The following SORCS1 variants were observed in gnomAD, a reference collection of about 807,000 sequenced individuals.
SORCS1 encodes the protein VPS10 domain-containing receptor SorCS1.
Under a neutral mutation model 146.1 loss-of-function variants are expected in SORCS1, and 60 were observed. That is an observed-to-expected ratio of 0.41 (90% confidence interval 0.33 to 0.51). The LOEUF is 0.51. SORCS1 is among the 20% of genes least tolerant of loss of function. SORCS1 has a pLI of 0.21. For missense variants in SORCS1, 1,352 were observed against 1,487.6 expected (o/e 0.91, Z 1.50); for synonymous variants, 637 against 584.0 (o/e 1.09, Z -1.31).
At chr10:106,655,632 C>T (rs1187158861) in intron 17 of SORCS1, among the ~76,000 whole-genome samples, 3 of 152,102 alleles carry the variant, frequency 2.0e-5, no homozygotes, top group Admixed American at 6.5e-5. Context: ...TCCATCCCCC[C>T]GGGACTATGC....
rs1187986728 is a variant in SORCS1, at chr10:107,065,460, C to CTTTCTTT, written c.558+98508_558+98509insAAAGAAA. On this transcript the variant is annotated intron_variant, in intron 1 of 25. Transcript: ENST00000263054. ...CTTTCTTTCTTTCTTTTCTCTCTTTCTCTCTCCCTCTCCTCTCCTCTCCTC... is the reference window on the plus strand; with the variant it reads ...CTTTCTTTCTTTCTTTTCTCTCTTTCTTTCTTTTCTCTCCCTCTCCTCTCCTCTCCTC... Among the ~76,000 whole-genome samples, 435 of 83,372 alleles carry CTTTCTTT rather than the reference C, an allele frequency of 5.2e-3. 4 individuals are homozygous for CTTTCTTT. Among genetic ancestry groups the CTTTCTTT allele is most frequent in the African/African-American group, 0.021 (395 of 18,856 alleles). 54.7% of individuals were successfully genotyped at this position (83,372 alleles called of 152,430 possible).
chr10:107,168,172 G>A (rs1032910018), upstream of SORCS1, among the ~76,000 whole-genome samples: 5 of 151,994 alleles, frequency 3.3e-5, no homozygotes, highest in Admixed American at 6.5e-5. Flanking sequence ...TTTCCAATTC[G>A]TGACCTTTGC....
chr10:106,861,847 C>T (rs1950027773), intron 2 of SORCS1, among the ~76,000 whole-genome samples: 1 of 152,178 alleles, frequency 6.6e-6, no homozygotes, highest in South Asian at 2.1e-4. Context: ...CAAGATTGTG[C>T]CACTGCACTC....
At chr10:106,796,281 T>A (rs1035922334) in intron 3 of SORCS1, among the ~76,000 whole-genome samples, 17 of 152,128 alleles carry the variant, frequency 1.1e-4, no homozygotes, top group African/African-American at 4.1e-4. Context: ...AAACCTAGGG[T>A]GCCAAGGACA....
intron 2 of SORCS1, among the ~76,000 whole-genome samples, chr10:106,909,816 C>T (rs1952063921): frequency 6.6e-6 from 1 of 152,206 alleles, no homozygotes; most frequent in Non-Finnish European, 1.5e-5. Flanking sequence ...CACGTATACA[C>T]ACACACATAT....
chr10:106,719,418 CTTTT>C (rs11299932), intron 6 of SORCS1, among the ~76,000 whole-genome samples: 20 of 135,940 alleles, frequency 1.5e-4, no homozygotes, highest in Non-Finnish European at 1.6e-4. Context: ...TTCTTTCTTT[CTTTT>C]TTTTTTTTTT....
intron 5 of SORCS1, among the ~76,000 whole-genome samples, chr10:106,750,654 G>A (rs978729263): frequency 7.2e-6 from 1 of 138,854 alleles, no homozygotes; most frequent in East Asian, 2.1e-4. Context: ...GCGTGAACCT[G>A]GGAGACGGAA....
intron 1 of SORCS1, among the ~76,000 whole-genome samples, chr10:107,039,501 G>A (rs1959069443): frequency 6.6e-6 from 1 of 152,144 alleles, no homozygotes; most frequent in South Asian, 2.1e-4. Context: ...TCACTTAAAT[G>A]TTCTGGTCTG....
chr10:107,035,179 C>T (rs1958842011), intron 1 of SORCS1, among the ~76,000 whole-genome samples: 1 of 147,868 alleles, frequency 6.8e-6, no homozygotes, highest in Admixed American at 7.0e-5. Context: ...TCCAGGCCCC[C>T]TACATCTTTT....
chr10:106,913,331 T>C (rs927804911), intron 2 of SORCS1, among the ~76,000 whole-genome samples: 15 of 152,216 alleles, frequency 9.9e-5, no homozygotes, highest in Admixed American at 3.9e-4. Flanking sequence ...TGATGAACAC[T>C]GTGGCTGGAT....
chr10:106,621,219 A>G (rs1847722533), intron 19 of SORCS1, among the ~76,000 whole-genome samples: 1 of 152,174 alleles, frequency 6.6e-6, no homozygotes, highest in Admixed American at 6.5e-5. Context: ...AGAGGCCTAT[A>G]AAAACTGGAA....
rs976326619 is a variant in SORCS1, at chr10:107,164,630, A to G, written c.-104T>C. ...GGCCGGCGCTCAGGACCCCAACTCC[A>G]TCCAAGTTGCGCCGCGGTGGGGGCG... On this transcript the variant is annotated 5_prime_UTR_variant, in exon 1 of 26. The change abolishes an upstream ATG in the 5' untranslated region. Coordinates refer to ENST00000263054, the MANE Select transcript of SORCS1 (RefSeq NM_052918.5). The surrounding 1 kb of genome is among the most constrained non-coding windows in gnomAD (Gnocchi z 6.8). The G allele has an allele frequency of 2.1e-6, 2 of 971,966 alleles. No homozygotes were observed. The highest frequency in any genetic ancestry group is 3.4e-5 in the African/African-American group (2 of 58,588). The allele number at this position is 971,966 out of a possible 1,614,324, so 60.2% of individuals were successfully genotyped here. A position where few individuals can be genotyped will look rare whatever the true frequency, so the allele number is the denominator to read the frequency against.
chr10:107,034,441 AGACC>A (rs1399960430), intron 1 of SORCS1, among the ~76,000 whole-genome samples: 1 of 151,942 alleles, frequency 6.6e-6, no homozygotes, highest in African/African-American at 2.4e-5. Context: ...ACACTTTGGG[AGACC>A]GAGGCGGGCA....
chr10:107,142,915 G>A (rs1967962089), intron 1 of SORCS1, among the ~76,000 whole-genome samples: 1 of 152,208 alleles, frequency 6.6e-6, no homozygotes, highest in Admixed American at 6.5e-5. Flanking sequence ...CTGACTCCTA[G>A]CACAGGCCTC....
At chr10:107,070,116 T>C (rs559878412) in intron 1 of SORCS1, among the ~76,000 whole-genome samples, 20 of 152,356 alleles carry the variant, frequency 1.3e-4, no homozygotes, top group African/African-American at 4.1e-4. Context: ...TCACTTAGCA[T>C]AATATGTTCA....
At chr10:106,948,143 A>G (rs1156618452) in intron 2 of SORCS1, among the ~76,000 whole-genome samples, 1 of 152,168 alleles carries the variant, frequency 6.6e-6, no homozygotes, top group Non-Finnish European at 1.5e-5. Flanking sequence ...ACAAATGAAA[A>G]AGTAGACCTA....
chr10:106,904,907 AC>A (rs1423749992), intron 2 of SORCS1, among the ~76,000 whole-genome samples: 1 of 152,252 alleles, frequency 6.6e-6, no homozygotes, highest in African/African-American at 2.4e-5. Flanking sequence ...AAAATGCCCT[AC>A]AAAAACTATT....
chr10:106,585,667 T>G (rs186020072), intron 24 of SORCS1, among the ~76,000 whole-genome samples: 244 of 152,354 alleles, frequency 1.6e-3, no homozygotes, highest in Non-Finnish European at 2.5e-3. Flanking sequence ...TAAAATCTGT[T>G]TCTTCATGTC....
At chr10:106,710,449 A>AAG (rs59130210) in intron 6 of SORCS1, among the ~76,000 whole-genome samples, 15 of 150,632 alleles carry the variant, frequency 1.0e-4, no homozygotes, top group African/African-American at 3.4e-4. Context: ...AAAAAAAAAA[A>AAG]GCAAAACCGA....
Sources: allele counts gnomAD v4.1 joint callset (sites outside exome capture counted in the v4.1 genomes callset), GRCh38; gene constraint gnomAD v4.1.1; non-coding constraint Gnocchi (gnomAD v3.1); transcripts MANE v1.5; gene names NCBI Gene and HGNC (gene_info 2026-07-23, HGNC 2026-07-21).